The following ADAMTS6 variants were observed in gnomAD, a reference collection of about 807,000 sequenced individuals.
The protein encoded by ADAMTS6 is ADAM metallopeptidase with thrombospondin type 1 motif 6.
Under a neutral mutation model 144.3 loss-of-function variants are expected in ADAMTS6, and 23 were observed. The ratio of observed to expected loss-of-function variants is 0.16; its 90% CI spans 0.11 to 0.23. ADAMTS6 has a LOEUF of 0.23. ADAMTS6 is among the 10% of genes least tolerant of loss of function. ADAMTS6 has a pLI of 1.00. For missense variants in ADAMTS6, 999 were observed against 1,379.6 expected (o/e 0.72, Z 4.37); for synonymous variants, 444 against 457.5 (o/e 0.97, Z 0.38).
chr5:65,215,185 A>G, intron 19 of ADAMTS6, 139 bp downstream of exon 19: 1 of 1,119,850 alleles, frequency 8.9e-7, no homozygotes, highest in East Asian at 2.5e-5. Flanking sequence ...GCACAGCTCT[A>G]ACACCCTTGG....
At chr5:65,436,622 G>A (rs1006063947) in intron 7 of ADAMTS6, among the ~76,000 whole-genome samples, 2 of 152,120 alleles carry the variant, frequency 1.3e-5, no homozygotes, top group African/African-American at 4.8e-5. Context: ...GATCACCTGA[G>A]GTCAGGAGTT....
At chr5:65,442,893 T>C (rs1757976202) in intron 7 of ADAMTS6, among the ~76,000 whole-genome samples, 1 of 152,168 alleles carries the variant, frequency 6.6e-6, no homozygotes, top group African/African-American at 2.4e-5. Flanking sequence ...TGTGTTCTCA[T>C]TGTTCAACTC....
intron 10 of ADAMTS6, among the ~76,000 whole-genome samples, chr5:65,295,611 A>G (rs186962358): frequency 1.3e-5 from 2 of 152,206 alleles, no homozygotes; most frequent in East Asian, 1.9e-4. Context: ...TTGTACATAT[A>G]AAAAGTAGAC....
At chr5:65,384,937 T>C (rs958306800) in intron 7 of ADAMTS6, among the ~76,000 whole-genome samples, 1 of 152,182 alleles carries the variant, frequency 6.6e-6, no homozygotes, top group Non-Finnish European at 1.5e-5. Flanking sequence ...TGGTGTCTGA[T>C]AAGGGTTTTC....
At chr5:65,156,985 T>G (rs1752460154) in intron 24 of ADAMTS6, among the ~76,000 whole-genome samples, 1 of 152,214 alleles carries the variant, frequency 6.6e-6, no homozygotes, top group South Asian at 2.1e-4. Context: ...AAAGTTACAC[T>G]TTACCCAGGA....
intron 10 of ADAMTS6, among the ~76,000 whole-genome samples, chr5:65,294,862 T>C (rs983795813): frequency 6.6e-6 from 1 of 151,992 alleles, no homozygotes; most frequent in Non-Finnish European, 1.5e-5. Flanking sequence ...ACTACTATCC[T>C]AACTTTTTAT....
intron 24 of ADAMTS6, among the ~76,000 whole-genome samples, chr5:65,158,204 C>T (rs1220501822): frequency 6.6e-6 from 1 of 152,208 alleles, no homozygotes; most frequent in African/African-American, 2.4e-5. Flanking sequence ...TGACCTTTAT[C>T]GTTCCTTTAC....
intron 22 of ADAMTS6, among the ~76,000 whole-genome samples, chr5:65,177,093 G>T (rs889870295): frequency 6.6e-6 from 1 of 152,118 alleles, no homozygotes; most frequent in African/African-American, 2.4e-5. Context: ...GTGGAAAGAA[G>T]AAAAACTCAA....
At chr5:65,154,466 A>G (rs564997358) in intron 24 of ADAMTS6, among the ~76,000 whole-genome samples, 2 of 152,172 alleles carry the variant, frequency 1.3e-5, no homozygotes, top group Non-Finnish European at 2.9e-5. Flanking sequence ...TGGGAACAGG[A>G]TCAAGCTTAG....
At chr5:65,322,805 T>A (rs137993715) in intron 9 of ADAMTS6, among the ~76,000 whole-genome samples, 1 of 152,286 alleles carries the variant, frequency 6.6e-6, no homozygotes, top group East Asian at 1.9e-4. Context: ...TTTCTAGATA[T>A]AGGATCATGT....
At chr5:65,433,067 T>C (rs1757115222) in intron 7 of ADAMTS6, among the ~76,000 whole-genome samples, 1 of 152,156 alleles carries the variant, frequency 6.6e-6, no homozygotes. Flanking sequence ...TCATTATACA[T>C]GCACTGCCTT....
chr5:65,348,778 GC>G (rs1420617668), intron 7 of ADAMTS6, among the ~76,000 whole-genome samples: 1 of 150,680 alleles, frequency 6.6e-6, no homozygotes, highest in African/African-American at 2.4e-5. Flanking sequence ...TACAATTATT[GC>G]CCATTAAAAA....
chr5:65,223,729 G>T (rs1407242628), intron 18 of ADAMTS6, among the ~76,000 whole-genome samples: 1 of 150,898 alleles, frequency 6.6e-6, no homozygotes, highest in Non-Finnish European at 1.5e-5. Flanking sequence ...CGTTTATGTT[G>T]TTTCTATATC....
At chr5:65,204,006 C>T (rs1755914091) in intron 20 of ADAMTS6, among the ~76,000 whole-genome samples, 1 of 152,086 alleles carries the variant, frequency 6.6e-6, no homozygotes, top group Non-Finnish European at 1.5e-5. Context: ...AATATAATCA[C>T]TAAAGCAACA....
chr5:65,158,278 T>C (rs551990570), intron 24 of ADAMTS6, among the ~76,000 whole-genome samples: 9 of 152,324 alleles, frequency 5.9e-5, no homozygotes, highest in African/African-American at 2.2e-4. Flanking sequence ...ACCAAAATTC[T>C]TGGTTTGAGA....
chr5:65,336,947 A>T (rs987406889), intron 7 of ADAMTS6, among the ~76,000 whole-genome samples: 15 of 152,156 alleles, frequency 9.9e-5, no homozygotes, highest in African/African-American at 2.7e-4. Context: ...TAATAGATTT[A>T]TCTTCTTTAG....
intron 10 of ADAMTS6, 98 bp from the exon 11 acceptor site, chr5:65,291,568 C>A: frequency 1.6e-6 from 2 of 1,276,526 alleles, no homozygotes; most frequent in Non-Finnish European, 1.0e-6. Context: ...AATAACTTGA[C>A]GCATGAAAAA....
chr5:65,460,181 C>A lies in ADAMTS6; in HGVS notation c.620G>T (p.Cys207Phe). 6.2e-7 allele frequency: 1 copy of A among 1,614,000 alleles called. No individual in the cohort carries two copies. The highest frequency in any genetic ancestry group is 8.5e-7 in the Non-Finnish European group (1 of 1,179,940). The change falls in exon 4 of 25, where the codon TGT (cysteine) becomes TTT (phenylalanine). Residue 207 changes from cysteine to phenylalanine, a missense_variant. Coordinates refer to ENST00000381055, the MANE Select transcript of ADAMTS6 (RefSeq NM_197941.4). ...GCACACTCACTCACCCGAAACCCCA[C>A]AATGAGAGTGATCATACAGATGTCG... ...QQRHLYDHSH[C>F]GVSDFTRSGK...
At position 65,473,908 on chromosome 5, in the gene ADAMTS6, A is replaced by G. The variant is rs1760654556; in HGVS notation, c.-235T>C. 4 of 523,222 alleles carry G rather than the reference A, an allele frequency of 7.6e-6. No individual in the cohort carries two copies. The South Asian group carries it at 1.3e-4, about 18-fold the overall frequency. The allele number at this position is 523,222 out of a possible 1,614,324, so 32.4% of individuals were successfully genotyped here. On this transcript the variant is annotated 5_prime_UTR_variant, in exon 2 of 25. Coordinates refer to ENST00000381055, the MANE Select transcript of ADAMTS6 (RefSeq NM_197941.4). ...AATGATGGTAAAAGTTTTCATAAGCAAAGCATTAGGCTGATTAGTTACTAA... is the reference window on the plus strand; with the variant it reads ...AATGATGGTAAAAGTTTTCATAAGCGAAGCATTAGGCTGATTAGTTACTAA...
Sources: allele counts gnomAD v4.1 joint callset (sites outside exome capture counted in the v4.1 genomes callset), GRCh38; gene constraint gnomAD v4.1.1; transcripts MANE v1.5; gene names NCBI Gene and HGNC (gene_info 2026-07-23, HGNC 2026-07-21).